The following MAP3K4 variants were observed in gnomAD, a reference collection of about 807,000 sequenced individuals.
MAP3K4 encodes MAP three kinase 1.
MAP3K4 carries 67 observed loss-of-function variants against 185.6 expected under a neutral mutation model. The ratio of observed to expected loss-of-function variants is 0.36; its 90% CI spans 0.30 to 0.44. The LOEUF (loss-of-function observed/expected upper bound fraction) is 0.44. Among genes scored for constraint, MAP3K4 ranks in the 20% least tolerant of loss-of-function variants. The pLI is 1.00. For missense variants in MAP3K4, 1,551 were observed against 1,995.1 expected, an observed-to-expected ratio of 0.78 and a Z score of 4.24; for synonymous variants, 702 against 710.4, an observed-to-expected ratio of 0.99 and a Z score of 0.19.
chr6:161,084,437 A>G lies in MAP3K4; in HGVS notation c.2256-64A>G. 1 of 803,650 alleles carries G rather than the reference A, an allele frequency of 1.2e-6. No individual in the cohort carries two copies. Among genetic ancestry groups the G allele is most frequent in the Non-Finnish European group, 2.2e-6 (1 of 460,642 alleles). 49.8% of individuals were successfully genotyped at this position (803,650 alleles called of 1,614,324 possible). Reference sequence around the variant, plus strand: ...GCTGAGCCTTTCAAGTTTCTCAGTCAAGAATTAGGCTATGAGTAGGGACAG... The same window carrying G: ...GCTGAGCCTTTCAAGTTTCTCAGTCGAGAATTAGGCTATGAGTAGGGACAG... On this transcript the variant is annotated intron_variant, in intron 6 of 26. Transcript: ENST00000392142. This position sits in a 1 kb window ranked among gnomAD's most constrained non-coding sequence, Gnocchi z 4.6.
At chr6:161,015,341 G>A (rs913272551) in intron 1 of MAP3K4, among the ~76,000 whole-genome samples, 1 of 152,032 alleles carries the variant, frequency 6.6e-6, no homozygotes, top group African/African-American at 2.4e-5. Context: ...AGAAAGAACA[G>A]CTCATTGATG....
At chr6:161,099,462 A>G (rs1214470469) in intron 17 of MAP3K4, among the ~76,000 whole-genome samples, 1 of 152,258 alleles carries the variant, frequency 6.6e-6, no homozygotes, top group Non-Finnish European at 1.5e-5. Flanking sequence ...TTTACAGCTT[A>G]AGCAGTCAAC....
rs1193421533 is a variant in MAP3K4, at chr6:161,086,655, A to G, written c.2544A>G (p.Lys848=). 1 of 1,612,588 alleles carries G rather than the reference A, an allele frequency of 6.2e-7. No individual in the cohort carries two copies. Among genetic ancestry groups the G allele is most frequent in the Admixed American group, 1.7e-5 (1 of 59,754 alleles). The change falls in exon 9 of 27, where the codon AAA becomes AAG. Residue 848 remains lysine (K), a synonymous_variant. Transcript: ENST00000392142. The surrounding 1 kb of genome is among the most constrained non-coding windows in gnomAD (Gnocchi z 4.8). ...ACCTCCTGGATGTTCTGAAATCAAA[A>G]CAGTATGTCAAGGTAAGTACTTCAA... is the stretch of plus-strand genomic sequence containing the variant. The part of the protein sequence containing the change: ...VRDLLDVLKS[K]QYVKVQIPGL...
chr6:161,016,622 C>T (rs1334126705), intron 1 of MAP3K4, among the ~76,000 whole-genome samples: 1 of 152,180 alleles, frequency 6.6e-6, no homozygotes, highest in Non-Finnish European at 1.5e-5. Context: ...ATATTTTTGG[C>T]ACCCCAGTTG....
intron 3 of MAP3K4, among the ~76,000 whole-genome samples, chr6:161,060,003 T>A (rs1784416521): frequency 6.6e-6 from 1 of 152,116 alleles, no homozygotes; most frequent in Non-Finnish European, 1.5e-5. Flanking sequence ...AGTGGCTTGA[T>A]CAAATTCAGG....
rs1287609706 is a variant in MAP3K4, at chr6:161,000,996, ATT to A, written c.152+8914_152+8915del. Reference sequence around the variant, plus strand: ...CATATGTATATAATATATATTATATATTATAATATACACATATGTATATAATA... The same window carrying A: ...CATATGTATATAATATATATTATATAATAATATACACATATGTATATAATA... On this transcript the variant is annotated intron_variant, in intron 1 of 26. Transcript: ENST00000392142. 2.6e-5 allele frequency among the ~76,000 whole-genome samples: 3 copies of A among 115,974 alleles called. No individual in the cohort carries two copies. In the Admixed American group the frequency reaches 2.9e-4, roughly 11 times the overall value. The allele number at this position is 115,974 out of a possible 152,430, so 76.1% of individuals were successfully genotyped here.
chr6:161,019,592 A>G (rs1337481240), intron 1 of MAP3K4, among the ~76,000 whole-genome samples: 1 of 152,144 alleles, frequency 6.6e-6, no homozygotes, highest in Non-Finnish European at 1.5e-5. Context: ...TTTTTCTAGT[A>G]GAGACAGGGT....
At chr6:161,013,780 A>G (rs977162140) in intron 1 of MAP3K4, among the ~76,000 whole-genome samples, 7 of 152,204 alleles carry the variant, frequency 4.6e-5, no homozygotes, top group African/African-American at 1.7e-4. Context: ...TTTCAATTAC[A>G]TGTAAATTAA....
In MAP3K4 at chr6:161,103,703, G is replaced by T. The variant is rs1777929585; in HGVS notation, c.3856+924G>T. On this transcript the variant is annotated intron_variant, in intron 19 of 26. Transcript: ENST00000392142. This position sits in a 1 kb window ranked among gnomAD's most constrained non-coding sequence, Gnocchi z 4.6. Reference sequence around the variant, plus strand: ...GCTCTTGAGCAGCTGGTGTGTTTGGGATGTGGGAGGCTGGGGATGAGTAAG... The same window carrying T: ...GCTCTTGAGCAGCTGGTGTGTTTGGTATGTGGGAGGCTGGGGATGAGTAAG... Among the ~76,000 whole-genome samples the T allele has an allele frequency of 6.6e-6, 1 of 152,226 alleles. No individual in the cohort carries two copies. Among genetic ancestry groups the T allele is most frequent in the South Asian group, 2.1e-4 (1 of 4,830 alleles).
At chr6:161,111,768 G>T in intron 23 of MAP3K4, 68 bp from the exon 24 acceptor site, 15 of 1,449,574 alleles carry the variant, frequency 1.0e-5, no homozygotes, top group East Asian at 2.4e-5. Flanking sequence ...TGGTCGTTTA[G>T]ATTACCATGT....
chr6:161,067,350 T>C lies in MAP3K4; in HGVS notation c.1708-3258T>C, dbSNP rs758838213. On this transcript the variant is annotated intron_variant, in intron 3 of 26. Transcript: ENST00000392142. The surrounding 1 kb of genome is among the most constrained non-coding windows in gnomAD (Gnocchi z 6.3). ...TTTGAATTTCTGATTAGCTTCCTTA[T>C]GCATCGATCTCAGTGAGCAGAGGGA... 2.7e-6 allele frequency: 1 copy of C among 373,648 alleles called. No homozygotes were observed. The highest frequency in any genetic ancestry group is 5.4e-6 in the Non-Finnish European group (1 of 184,514). The allele number at this position is 373,648 out of a possible 1,614,324, so 23.1% of individuals were successfully genotyped here.
chr6:161,048,813 G>A lies in MAP3K4; in HGVS notation c.541G>A (p.Asp181Asn). 3 of 1,614,172 alleles carry A rather than the reference G, an allele frequency of 1.9e-6. No homozygotes were observed. Among genetic ancestry groups the A allele is most frequent in the Non-Finnish European group, 2.5e-6 (3 of 1,180,028 alleles). Reference sequence around the variant, plus strand: ...ATCTTTGCCAAAAAAATCAATTCCAGATGTGGATCTCAATAAGCCTTACCT... The same window carrying A: ...ATCTTTGCCAAAAAAATCAATTCCAAATGTGGATCTCAATAAGCCTTACCT... Reference protein sequence around the residue: ...GGSLPKKSIPDVDLNKPYLSL... With the variant: ...GGSLPKKSIPNVDLNKPYLSL... The change falls in exon 3 of 27, where the codon GAT becomes AAT. Residue 181 changes from aspartate to asparagine, a missense_variant. Around this residue, in one of 16 missense-constraint regions of MAP3K4, gnomAD observed 287 missense variants for 268.8 expected, o/e 1.07. Transcript: ENST00000392142. The surrounding 1 kb of genome is among the most constrained non-coding windows in gnomAD (Gnocchi z 4.7).
Position 161,115,041 on chromosome 6 carries a change from A to G in MAP3K4, c.4627-82A>G. On this transcript the variant is annotated intron_variant, in intron 25 of 26. Coordinates refer to ENST00000392142, the MANE Select transcript of MAP3K4 (RefSeq NM_005922.4). The surrounding 1 kb of genome is among the most constrained non-coding windows in gnomAD (Gnocchi z 6.0). ...TCCCCTGATATATATTAATGATGAG[A>G]TGCTTAAAAACAGACTGAACATTTG... 7.9e-7 allele frequency: 1 copy of G among 1,260,078 alleles called. No individual in the cohort carries two copies. Among genetic ancestry groups the G allele is most frequent in the Admixed American group, 2.1e-5 (1 of 46,986 alleles). The allele number at this position is 1,260,078 out of a possible 1,614,324, so 78.1% of individuals were successfully genotyped here. A position where few individuals can be genotyped will look rare whatever the true frequency, so the allele number is the denominator to read the frequency against.
intron 2 of MAP3K4, among the ~76,000 whole-genome samples, chr6:161,046,951 T>C (rs1583162596): frequency 6.8e-6 from 1 of 147,548 alleles, no homozygotes; most frequent in African/African-American, 2.5e-5. Context: ...TATATTAATA[T>C]ATATAATAAA....
chr6:161,116,932 A>AC lies in MAP3K4; in HGVS notation c.*62_*63insC. On this transcript the variant is annotated 3_prime_UTR_variant, in exon 27 of 27. Coordinates refer to ENST00000392142, the MANE Select transcript of MAP3K4 (RefSeq NM_005922.4). The surrounding 1 kb of genome is among the most constrained non-coding windows in gnomAD (Gnocchi z 6.2). ...TCACTACTGTATGTAATATTTACAT[A>AC]AAGACTGTGCTGAGAAGCAGTATAA... is the stretch of plus-strand genomic sequence containing the variant. 6.7e-7 allele frequency: 1 copy of AC among 1,486,270 alleles called. No individual in the cohort carries two copies. The highest frequency in any genetic ancestry group is 9.4e-7 in the Non-Finnish European group (1 of 1,063,836). 92.1% of individuals were successfully genotyped at this position (1,486,270 alleles called of 1,614,324 possible).
At position 160,991,807 on chromosome 6, in the gene MAP3K4, C is replaced by G. The variant is rs1038130929; in HGVS notation, c.-125C>G. ...CCGTTTCCAAGATGGCCGCGGCGCG[C>G]ACGGCTCCTGCGGCGGGGTAGAGGC... On this transcript the variant is annotated 5_prime_UTR_variant, in exon 1 of 27. Coordinates refer to ENST00000392142, the MANE Select transcript of MAP3K4 (RefSeq NM_005922.4). The surrounding 1 kb of genome is among the most constrained non-coding windows in gnomAD (Gnocchi z 5.7). The G allele has an allele frequency of 3.6e-6, 4 of 1,111,728 alleles. No individual in the cohort carries two copies. Among genetic ancestry groups the G allele is most frequent in the South Asian group, 2.2e-5 (1 of 46,146 alleles). 68.9% of individuals were successfully genotyped at this position (1,111,728 alleles called of 1,614,324 possible).
rs1291907764 is a variant in MAP3K4, at chr6:161,116,999, A to G, written c.*129A>G. ...AAGACTGAAGACTGCACAGGTGACAAGCGTCACTTCTCCTGCTGCTCCTGT... is the reference window on the plus strand; with the variant it reads ...AAGACTGAAGACTGCACAGGTGACAGGCGTCACTTCTCCTGCTGCTCCTGT... On this transcript the variant is annotated 3_prime_UTR_variant, in exon 27 of 27. Coordinates refer to ENST00000392142, the MANE Select transcript of MAP3K4 (RefSeq NM_005922.4). The surrounding 1 kb of genome is among the most constrained non-coding windows in gnomAD (Gnocchi z 6.2). 4.9e-6 allele frequency: 4 copies of G among 820,330 alleles called. No individual in the cohort carries two copies. Among genetic ancestry groups the G allele is most frequent in the Admixed American group, 2.2e-5 (1 of 44,592 alleles). The allele number at this position is 820,330 out of a possible 1,614,324, so 50.8% of individuals were successfully genotyped here.
Position 161,034,242 on chromosome 6 carries a change from C to A in MAP3K4, c.153-17C>A, listed in dbSNP as rs762035407. 2 of 1,598,980 alleles carry A rather than the reference C, an allele frequency of 1.3e-6. No individual in the cohort carries two copies. The highest frequency in any genetic ancestry group is 2.2e-5 in the South Asian group (2 of 89,056). On this transcript the variant is annotated splice_polypyrimidine_tract_variant and intron_variant, in intron 1 of 26. Transcript: ENST00000392142. The surrounding 1 kb of genome is among the most constrained non-coding windows in gnomAD (Gnocchi z 4.4). The stretch of plus-strand genomic sequence containing the variant: ...ACTGTGTTGCTGAATATTTTCCCTG[C>A]ACACTGTCTTTCATAGGCAAGAGGG...
chr6:161,051,935 C>T lies in MAP3K4; in HGVS notation c.1707+1956C>T, dbSNP rs983911737. On this transcript the variant is annotated intron_variant, in intron 3 of 26. Coordinates refer to ENST00000392142, the MANE Select transcript of MAP3K4 (RefSeq NM_005922.4). This position sits in a 1 kb window ranked among gnomAD's most constrained non-coding sequence, Gnocchi z 4.2. The stretch of plus-strand genomic sequence containing the variant: ...CTCGTGGGCTAAAACAGTCCTCCTG[C>T]CTTAGCCTCCTGAGTAGCTTGTATT... 1.3e-5 allele frequency among the ~76,000 whole-genome samples: 2 copies of T among 152,192 alleles called. No homozygotes were observed. Among genetic ancestry groups the T allele is most frequent in the African/African-American group, 2.4e-5 (1 of 41,466 alleles).
Sources: gnomAD v4.1 joint callset for allele counts (sites outside exome capture counted in the v4.1 genomes callset) on GRCh38, gnomAD v4.1.1 for gene constraint, gnomAD v4.1.1 regional missense constraint, Gnocchi (gnomAD v3.1) non-coding constraint, MANE v1.5 for transcripts, NCBI Gene and HGNC (gene_info 2026-07-23, HGNC 2026-07-21) for gene names.